The following EPOR variants were observed in gnomAD, a reference collection of about 807,000 sequenced individuals.
The protein encoded by EPOR is erythropoietin receptor.
In EPOR, 20 loss-of-function variants were observed where a neutral mutation model predicts 34.3. That is an observed-to-expected ratio of 0.58 (90% CI 0.41 to 0.85). The LOEUF (loss-of-function observed/expected upper bound fraction) is 0.85. Ranked by LOEUF, EPOR falls within the 40% of genes least tolerant of loss-of-function variation. The pLI is 0.00. For synonymous variants in EPOR, 312 were observed against 299.0 expected (o/e 1.04, Z -0.45); for missense variants, 601 against 672.7 (o/e 0.89, Z 1.18).
chr19:11,383,098 C>G lies in EPOR; in HGVS notation c.250G>C (p.Glu84Gln), dbSNP rs762067686. ...PGNYSFSYQL[E>Q]DEPWKLCRLH... ...AGGCACCCGCCGGATCGGACTCACT[C>G]GAGCTGGTAGGAGAAGCTGTAGTTG... is the stretch of plus-strand genomic sequence containing the variant. Residue 84 changes from glutamate (E) to glutamine (Q), a missense_variant and splice_region_variant, in exon 2 of 8, where the codon GAG (glutamate) becomes CAG (glutamine). By Grantham distance (29) the Glu-to-Gln change is conservative. Coordinates refer to ENST00000222139, the MANE Select transcript of EPOR (RefSeq NM_000121.4). This position sits in a 1 kb window ranked among gnomAD's most constrained non-coding sequence, Gnocchi z 4.9. The G allele has an allele frequency of 1.2e-5, 19 of 1,613,576 alleles. No individual in the cohort carries two copies. The South Asian group carries it at 1.6e-4, about 14-fold the overall frequency.
At chr19:11,382,980 C>T in intron 2 of EPOR, 117 bp downstream of exon 2, 2 of 1,589,516 alleles carry the variant, frequency 1.3e-6, no homozygotes, top group Non-Finnish European at 1.7e-6. Context: ...CCAGTGACCA[C>T]GACTGGAGGC....
rs1464536195 is a variant in EPOR, at chr19:11,378,660, C to G, written c.915+31G>C. 6.2e-7 allele frequency: 1 copy of G among 1,614,060 alleles called. No homozygotes were observed. The highest frequency in any genetic ancestry group is 8.5e-7 in the Non-Finnish European group (1 of 1,180,028). ...TTTGGCTGCAAGAAGCAGGGAAGCC[C>G]AGGCACTGAGGGGACAACCAGGCCA... is the stretch of plus-strand genomic sequence containing the variant. On this transcript the variant is annotated intron_variant, in intron 7 of 7. Coordinates refer to ENST00000222139, the MANE Select transcript of EPOR (RefSeq NM_000121.4). This position sits in a 1 kb window ranked among gnomAD's most constrained non-coding sequence, Gnocchi z 5.3.
chr19:11,378,215 G>A lies in EPOR; in HGVS notation c.1296C>T (p.Ser432=), dbSNP rs2144693981. The change falls in exon 8 of 8, where the codon AGC becomes AGT. Residue 432 remains serine (S), a synonymous_variant. Transcript: ENST00000222139. The surrounding 1 kb of genome is among the most constrained non-coding windows in gnomAD (Gnocchi z 5.3). Reference sequence around the variant, plus strand: ...GTGTCCATGGACGCAAGAGCTGGGAGCTGGGGTCCAGGATAGTGTACTCAA... The same window carrying A: ...GTGTCCATGGACGCAAGAGCTGGGAACTGGGGTCCAGGATAGTGTACTCAA... ...ASFEYTILDP[S]SQLLRPWTLC... 6.2e-7 allele frequency: 1 copy of A among 1,614,176 alleles called. No homozygotes were observed. The highest frequency in any genetic ancestry group is 8.5e-7 in the Non-Finnish European group (1 of 1,180,040).
chr19:11,383,424 G>T lies in EPOR; in HGVS notation c.116-192C>A, dbSNP rs1968392769. The T allele has an allele frequency of 1.7e-6, 1 of 582,350 alleles. No homozygotes were observed. Among genetic ancestry groups the T allele is most frequent in the Non-Finnish European group, 3.0e-6 (1 of 336,900 alleles). The allele number at this position is 582,350 out of a possible 1,614,324, so 36.1% of individuals were successfully genotyped here. ...CCTAATTCCCAGGGGCAAGTTTCTC[G>T]CCTTACTGTCCCCCGCCGTCACCAC... On this transcript the variant is annotated intron_variant, in intron 1 of 7. Coordinates refer to ENST00000222139, the MANE Select transcript of EPOR (RefSeq NM_000121.4). This position sits in a 1 kb window ranked among gnomAD's most constrained non-coding sequence, Gnocchi z 4.9.
chr19:11,382,091 T>A lies in EPOR; in HGVS notation c.266A>T (p.Lys89Met). ...GGGAGCCTGGTGCAGGCGACACAGC[T>A]TCCATGGCTCATCCCTATGCGCCCA... ...FSYQLEDEPW[K>M]LCRLHQAPTA... is the part of the protein sequence containing the mutation. Residue 89 changes from lysine to methionine, a missense_variant, in exon 3 of 8, where the codon AAG (lysine) becomes ATG (methionine). Lys to Met is a moderately conservative substitution (Grantham distance 95). Coordinates refer to ENST00000222139, the MANE Select transcript of EPOR (RefSeq NM_000121.4). The A allele has an allele frequency of 1.2e-6, 2 of 1,613,754 alleles. No individual in the cohort carries two copies. The highest frequency in any genetic ancestry group is 1.7e-6 in the Non-Finnish European group (2 of 1,179,826).
In EPOR at chr19:11,381,599, G is replaced by A; in HGVS notation, c.585+93C>T. ...ATGGGATGTGGGATGTTACGGACCG[G>A]CCCTGAAAGCGGCACCGGGCGCGAC... On this transcript the variant is annotated intron_variant, in intron 4 of 7. Coordinates refer to ENST00000222139, the MANE Select transcript of EPOR (RefSeq NM_000121.4). This position sits in a 1 kb window ranked among gnomAD's most constrained non-coding sequence, Gnocchi z 5.3. 7.5e-7 allele frequency: 1 copy of A among 1,331,996 alleles called. No homozygotes were observed. Among genetic ancestry groups the A allele is most frequent in the African/African-American group, 1.4e-5 (1 of 69,026 alleles). 82.5% of individuals were successfully genotyped at this position (1,331,996 alleles called of 1,614,324 possible).
At chr19:11,379,687 C>G (rs181819570) in intron 6 of EPOR, among the ~76,000 whole-genome samples, 1 of 151,994 alleles carries the variant, frequency 6.6e-6, no homozygotes, top group East Asian at 1.9e-4. Flanking sequence ...ACATACCACT[C>G]TAGCCATGTG....
Position 11,378,665 on chromosome 19 carries a change from A to G in EPOR, c.915+26T>C. ...CTGCAAGAAGCAGGGAAGCCCAGGCACTGAGGGGACAACCAGGCCACCTAC... is the reference window on the plus strand; with the variant it reads ...CTGCAAGAAGCAGGGAAGCCCAGGCGCTGAGGGGACAACCAGGCCACCTAC... On this transcript the variant is annotated intron_variant, in intron 7 of 7. Transcript: ENST00000222139. The surrounding 1 kb of genome is among the most constrained non-coding windows in gnomAD (Gnocchi z 5.3). 6.2e-7 allele frequency: 1 copy of G among 1,614,190 alleles called. No individual in the cohort carries two copies. The highest frequency in any genetic ancestry group is 1.7e-5 in the Admixed American group (1 of 60,020).
At position 11,380,913 on chromosome 19, in the gene EPOR, C is replaced by T; in HGVS notation, c.798G>A (p.Leu266=). 6.4e-7 allele frequency: 1 copy of T among 1,551,830 alleles called. No homozygotes were observed. The highest frequency in any genetic ancestry group is 1.2e-5 in the South Asian group (1 of 84,068). The change falls in exon 6 of 8, where the codon CTG becomes CTA. Residue 266 remains leucine (L), a synonymous_variant. Transcript: ENST00000222139. ...SLILVVILVL[L]TVLALLSHRR... ...GGTGGGAGAGCAGCGCGAGCACGGTCAGCAGCACCAGGATGACCACGAGGA... is the reference window on the plus strand; with the variant it reads ...GGTGGGAGAGCAGCGCGAGCACGGTTAGCAGCACCAGGATGACCACGAGGA...
chr19:11,382,839 C>T (rs1215780909), intron 2 of EPOR: 1 of 1,476,034 alleles, frequency 6.8e-7, no homozygotes, highest in Non-Finnish European at 9.0e-7. Flanking sequence ...GACGTAGTAA[C>T]GCCTTACCCT....
rs763511227 is a variant in EPOR, at chr19:11,377,453, T to G, written c.*531A>C. On this transcript the variant is annotated 3_prime_UTR_variant, in exon 8 of 8. Transcript: ENST00000222139. ...TTTCTTCCCTTGCTGACTGGCAGTT[T>G]GTAGAACAGGGGATCCATCTAAGTA... 2.2e-6 allele frequency: 1 copy of G among 454,122 alleles called. No homozygotes were observed. Among genetic ancestry groups the G allele is most frequent in the South Asian group, 1.6e-5 (1 of 64,478 alleles). The allele number at this position is 454,122 out of a possible 1,614,324, so 28.1% of individuals were successfully genotyped here.
rs2144694564 is a variant in EPOR at position 11,378,484 on chromosome 19, G to A, written c.1027C>T (p.Gln343Ter). 1 of 1,614,192 alleles carries A rather than the reference G, an allele frequency of 6.2e-7. No individual in the cohort carries two copies. Reference sequence around the variant, plus strand: ...TCATCTGTCCCCGGCTCCACTGCCTGCATCGTCCCCCAGCAGCGCTCTGAG... The same window carrying A: ...TCATCTGTCCCCGGCTCCACTGCCTACATCGTCCCCCAGCAGCGCTCTGAG... Reference protein sequence around the residue: ...VLSERCWGTMQAVEPGTDDEG... With the variant: ...VLSERCWGTM The change falls in exon 8 of 8, where the codon CAG (glutamine) becomes TAG (stop). Residue 343 changes from glutamine to a stop codon, truncating the protein, a stop_gained. Transcript: ENST00000222139. LOFTEE classifies it low-confidence loss of function (END_TRUNC). This position sits in a 1 kb window ranked among gnomAD's most constrained non-coding sequence, Gnocchi z 5.3.
In EPOR at chr19:11,381,730, C is replaced by A; in HGVS notation, c.547G>T (p.Asp183Tyr). Residue 183 changes from aspartate (D) to tyrosine (Y), a missense_variant, in exon 4 of 8, where the codon GAC becomes TAC. Asp to Tyr is a radical substitution (Grantham distance 160, BLOSUM62 -3). Coordinates refer to ENST00000222139, the MANE Select transcript of EPOR (RefSeq NM_000121.4). The surrounding 1 kb of genome is among the most constrained non-coding windows in gnomAD (Gnocchi z 5.3). ...CCTGCGCCGTTGCCGGCCGAGACGTCCACCTCGTAGCGGATGTGAGACGTC... is the reference window on the plus strand; with the variant it reads ...CCTGCGCCGTTGCCGGCCGAGACGTACACCTCGTAGCGGATGTGAGACGTC... ...PMTSHIRYEV[D>Y]VSAGNGAGSV... is the part of the protein sequence containing the mutation. 1.2e-6 allele frequency: 2 copies of A among 1,612,430 alleles called. No individual in the cohort carries two copies. The highest frequency in any genetic ancestry group is 1.7e-6 in the Non-Finnish European group (2 of 1,179,424).
Position 11,383,957 on chromosome 19 carries a change from G to A in EPOR, c.115+136C>T. ...ATCCAGGACCCAGTCTAAGGGTTCA[G>A]ATGCCAGCTTGGCCCCCAGGACCCG... On this transcript the variant is annotated intron_variant, in intron 1 of 7. Transcript: ENST00000222139. This position sits in a 1 kb window ranked among gnomAD's most constrained non-coding sequence, Gnocchi z 4.9. The A allele has an allele frequency of 1.5e-6, 1 of 686,130 alleles. No individual in the cohort carries two copies. The highest frequency in any genetic ancestry group is 2.8e-5 in the East Asian group (1 of 35,790). 42.5% of individuals were successfully genotyped at this position (686,130 alleles called of 1,614,324 possible).
chr19:11,378,183 G>C lies in EPOR; in HGVS notation c.1328C>G (p.Pro443Arg). 1 of 1,614,132 alleles carries C rather than the reference G, an allele frequency of 6.2e-7. No individual in the cohort carries two copies. Among genetic ancestry groups the C allele is most frequent in the East Asian group, 2.2e-5 (1 of 44,892 alleles). The change falls in exon 8 of 8, where the codon CCT (proline) becomes CGT (arginine). Residue 443 changes from proline (P) to arginine (R), a missense_variant. Pro to Arg is a moderately radical substitution (Grantham distance 103). Transcript: ENST00000222139. This position sits in a 1 kb window ranked among gnomAD's most constrained non-coding sequence, Gnocchi z 5.3. Reference protein sequence around the residue: ...SQLLRPWTLCPELPPTPPHLK... With the variant: ...SQLLRPWTLCRELPPTPPHLK... ...GTGGGGTGGGGTAGGGGGCAGCTCA[G>C]GGCACAGTGTCCATGGACGCAAGAG...
At chr19:11,379,777 C>T (rs1040057543) in intron 6 of EPOR, among the ~76,000 whole-genome samples, 1 of 152,006 alleles carries the variant, frequency 6.6e-6, no homozygotes, top group African/African-American at 2.4e-5. Flanking sequence ...CTCGGCTCAC[C>T]CGCAACCTCC....
At position 11,381,652 on chromosome 19, in the gene EPOR, A is replaced by G; in HGVS notation, c.585+40T>C. 3 of 1,569,542 alleles carry G rather than the reference A, an allele frequency of 1.9e-6. No individual in the cohort carries two copies. The highest frequency in any genetic ancestry group is 2.7e-5 in the African/African-American group (2 of 73,894). ...CGAGAGGCGTGGCTGGGCCGTAGTC[A>G]GTGGAGCTTTGGGGGCTGGGCCGTA... On this transcript the variant is annotated intron_variant, in intron 4 of 7. Coordinates refer to ENST00000222139, the MANE Select transcript of EPOR (RefSeq NM_000121.4). The surrounding 1 kb of genome is among the most constrained non-coding windows in gnomAD (Gnocchi z 5.3).
rs778995825 is a variant in EPOR at position 11,381,864 on chromosome 19, G to T, written c.428-15C>A. On this transcript the variant is annotated splice_polypyrimidine_tract_variant and intron_variant, in intron 3 of 7. Coordinates refer to ENST00000222139, the MANE Select transcript of EPOR (RefSeq NM_000121.4). This position sits in a 1 kb window ranked among gnomAD's most constrained non-coding sequence, Gnocchi z 5.3. ...GTCTAGGAGCACTGCAGGCATGGGG[G>T]TTGGTCAGGTGGGCGAGGACTGAGA... is the stretch of plus-strand genomic sequence containing the variant. The T allele has an allele frequency of 1.2e-6, 2 of 1,614,180 alleles. No homozygotes were observed. Among genetic ancestry groups the T allele is most frequent in the South Asian group, 2.2e-5 (2 of 91,084 alleles).
intron 6 of EPOR, among the ~76,000 whole-genome samples, chr19:11,379,444 G>A (rs1968326840): frequency 6.6e-6 from 1 of 152,000 alleles, no homozygotes; most frequent in Non-Finnish European, 1.5e-5. Context: ...AGCCGGGCAT[G>A]CACGCCTGTA....
Sources: gnomAD v4.1 joint callset for allele counts (sites outside exome capture counted in the v4.1 genomes callset) on GRCh38, gnomAD v4.1.1 for gene constraint, Gnocchi (gnomAD v3.1) non-coding constraint, MANE v1.5 for transcripts, NCBI Gene and HGNC (gene_info 2026-07-23, HGNC 2026-07-21) for gene names.